Variants in SPTY2D1 observed in about 807,000 individuals in gnomAD.
SPTY2D1 encodes SPT2 chromatin protein domain containing 1, also known as protein SPT2 homolog.
A neutral mutation model predicts 64.0 loss-of-function variants in SPTY2D1; 21 were observed. The observed-to-expected ratio is 0.33, with a 90% CI of 0.23 to 0.47. The LOEUF (loss-of-function observed/expected upper bound fraction) is 0.47. SPTY2D1 is among the 20% of genes least tolerant of loss of function. The pLI, the probability that SPTY2D1 is intolerant of heterozygous loss-of-function variation, is 1.00. For missense variants in SPTY2D1, 724 were observed against 837.2 expected, an observed-to-expected ratio of 0.86 and a Z score of 1.67; for synonymous variants, 287 against 286.8, an observed-to-expected ratio of 1.00 and a Z score of -0.01.
intron 1 of SPTY2D1, among the ~76,000 whole-genome samples, chr11:18,633,717 C>T (rs900763087): frequency 6.6e-6 from 1 of 152,124 alleles, no homozygotes. Context: ...GGGGCCGAGT[C>T]AGAGAATTCT....
At position 18,609,849 on chromosome 11, in the gene SPTY2D1, T is replaced by C. The variant is rs1854167743; in HGVS notation, c.*12A>G. ...GAGCAGCTCTAGAATTTCACAAAAA[T>C]AAAAGCAGCAGCTAACGCCTCTTCA... is the stretch of plus-strand genomic sequence containing the variant. On this transcript the variant is annotated 3_prime_UTR_variant, in exon 6 of 6. Coordinates refer to ENST00000336349, the MANE Select transcript of SPTY2D1 (RefSeq NM_194285.3). 6.2e-7 allele frequency: 1 copy of C among 1,613,142 alleles called. No homozygotes were observed. The highest frequency in any genetic ancestry group is 8.5e-7 in the Non-Finnish European group (1 of 1,179,600).
At chr11:18,619,318 T>C (rs1240236224) in intron 1 of SPTY2D1, among the ~76,000 whole-genome samples, 3 of 152,030 alleles carry the variant, frequency 2.0e-5, no homozygotes, top group African/African-American at 4.8e-5. Flanking sequence ...TTTTTTTCAC[T>C]AACACTTAAG....
intron 1 of SPTY2D1, among the ~76,000 whole-genome samples, chr11:18,628,152 C>T (rs566453449): frequency 2.9e-4 from 44 of 152,172 alleles, no homozygotes; most frequent in Non-Finnish European, 6.0e-4. Context: ...TGCCTACTAC[C>T]GAATTGCTGC....
chr11:18,634,203 C>T lies in SPTY2D1; in HGVS notation c.55G>A (p.Val19Met). The T allele has an allele frequency of 4.3e-6, 7 of 1,614,210 alleles. No individual in the cohort carries two copies. Among genetic ancestry groups the T allele is most frequent in the Non-Finnish European group, 5.9e-6 (7 of 1,180,030 alleles). Residue 19 changes from valine (V) to methionine (M), a missense_variant, in exon 1 of 6, where the codon GTG (valine) becomes ATG (methionine). Physicochemically the swap from Val to Met is conservative, Grantham distance 21. Around this residue, in one of 3 missense-constraint regions of SPTY2D1, gnomAD observed 179 missense variants for 232.5 expected, o/e 0.77. Coordinates refer to ENST00000336349, the MANE Select transcript of SPTY2D1 (RefSeq NM_194285.3). ...IASKGQGVNN[V>M]PKRYSLAVGP... ...ATGCCCCAGCTGCTACTTACCGGCA[C>T]ATTGTTGACACCTTGTCCCTTGGAA...
chr11:18,625,415 T>A (rs1339562073), intron 1 of SPTY2D1, among the ~76,000 whole-genome samples: 1 of 152,078 alleles, frequency 6.6e-6, no homozygotes, highest in Non-Finnish European at 1.5e-5. Flanking sequence ...TCTCATGGAG[T>A]CTCCAGTCCA....
intron 1 of SPTY2D1, among the ~76,000 whole-genome samples, chr11:18,623,805 T>C (rs1204163146): frequency 6.6e-6 from 1 of 152,264 alleles, no homozygotes; most frequent in Non-Finnish European, 1.5e-5. Flanking sequence ...CACTGACAGA[T>C]ACAGTGGCCT....
intron 1 of SPTY2D1, among the ~76,000 whole-genome samples, chr11:18,633,216 G>GA (rs1854616875): frequency 1.3e-5 from 2 of 152,018 alleles, no homozygotes; most frequent in South Asian, 4.1e-4. Context: ...CTGCAGAAGA[G>GA]AAAAAAACGA....
intron 1 of SPTY2D1, among the ~76,000 whole-genome samples, chr11:18,617,991 C>A (rs1384855974): frequency 6.6e-6 from 1 of 152,158 alleles, no homozygotes; most frequent in Non-Finnish European, 1.5e-5. Context: ...GTATAAAATT[C>A]TGAGTTTAAA....
chr11:18,629,712 A>G (rs1473548428), intron 1 of SPTY2D1, among the ~76,000 whole-genome samples: 3 of 152,180 alleles, frequency 2.0e-5, no homozygotes, highest in African/African-American at 7.2e-5. Context: ...CAGTTATTAT[A>G]TATTCAGTTT....
intron 1 of SPTY2D1, among the ~76,000 whole-genome samples, chr11:18,623,136 G>A (rs1258821833): frequency 6.6e-6 from 1 of 151,740 alleles, no homozygotes; most frequent in Non-Finnish European, 1.5e-5. Flanking sequence ...ATATTTCTAG[G>A]CTATGTTCAT....
In SPTY2D1 at chr11:18,615,499, G is replaced by A. The variant is rs1221766047; in HGVS notation, c.775C>T (p.Pro259Ser). ...GGTCTTGATTTCTTCTCAGCATGAG[G>A]AAGGGGCATTCCTTTGGAAGAAGGA... ...RHPSSKGMPL[P>S]HAEKKSRPSM... The change falls in exon 3 of 6, where the codon CCT becomes TCT. Residue 259 changes from proline (P) to serine (S), a missense_variant. Pro to Ser is a moderately conservative substitution (Grantham distance 74). This residue lies in a region of SPTY2D1 where 426 missense variants were observed against 431.8 expected (regional missense o/e 0.99). Coordinates refer to ENST00000336349, the MANE Select transcript of SPTY2D1 (RefSeq NM_194285.3). 1 of 1,614,234 alleles carries A rather than the reference G, an allele frequency of 6.2e-7. No individual in the cohort carries two copies. Among genetic ancestry groups the A allele is most frequent in the Non-Finnish European group, 8.5e-7 (1 of 1,180,054 alleles).
At chr11:18,621,697 G>T (rs560211865) in intron 1 of SPTY2D1, among the ~76,000 whole-genome samples, 1 of 152,224 alleles carries the variant, frequency 6.6e-6, no homozygotes, top group South Asian at 2.1e-4. Context: ...TAAAAAGCTA[G>T]CAGTAAGGCA....
chr11:18,633,206 C>T (rs1003297457), intron 1 of SPTY2D1, among the ~76,000 whole-genome samples: 1 of 151,980 alleles, frequency 6.6e-6, no homozygotes, highest in Non-Finnish European at 1.5e-5. Flanking sequence ...CAAAAAAAAG[C>T]TGCAGAAGAG....
Position 18,615,583 on chromosome 11 carries a change from C to T in SPTY2D1, c.691G>A (p.Ala231Thr), listed in dbSNP as rs749816728. 2 of 1,614,076 alleles carry T rather than the reference C, an allele frequency of 1.2e-6. No individual in the cohort carries two copies. Among genetic ancestry groups the T allele is most frequent in the Non-Finnish European group, 8.5e-7 (1 of 1,180,044 alleles). The change falls in exon 3 of 6, where the codon GCA (alanine) becomes ACA (threonine). Residue 231 changes from alanine to threonine, a missense_variant. Ala to Thr is a moderately conservative substitution (Grantham distance 58, BLOSUM62 0). Coordinates refer to ENST00000336349, the MANE Select transcript of SPTY2D1 (RefSeq NM_194285.3). ...GKLPPTVSKK[A>T]PSQKESVGTK... ...CCCACACTTTCTTTCTGAGAGGGTG[C>T]CTTTTTGGACACAGTTGGAGGTAGT...
chr11:18,621,048 A>C (rs1464218270), intron 1 of SPTY2D1, among the ~76,000 whole-genome samples: 1 of 151,960 alleles, frequency 6.6e-6, no homozygotes, highest in Non-Finnish European at 1.5e-5. Flanking sequence ...TCATGCCTGT[A>C]ATGCCAGCAC....
Position 18,612,570 on chromosome 11 carries a change from CATT to C in SPTY2D1, c.1712-85_1712-83del. The C allele has an allele frequency of 1.6e-6, 2 of 1,257,968 alleles. No homozygotes were observed. Among genetic ancestry groups the C allele is most frequent in the South Asian group, 1.8e-5 (1 of 57,100 alleles). 77.9% of individuals were successfully genotyped at this position (1,257,968 alleles called of 1,614,324 possible). A position where few individuals can be genotyped will look rare whatever the true frequency, so the allele number is the denominator to read the frequency against. On this transcript the variant is annotated intron_variant, in intron 3 of 5. Coordinates refer to ENST00000336349, the MANE Select transcript of SPTY2D1 (RefSeq NM_194285.3). The surrounding 1 kb of genome is among the most constrained non-coding windows in gnomAD (Gnocchi z 4.6). ...TATGTAAACTGAAATTGTGAGTCAT[CATT>C]AAGATGGTATCCTTTAAAACCAGAG...
At position 18,615,141 on chromosome 11, in the gene SPTY2D1, G is replaced by A. The variant is rs1271607110; in HGVS notation, c.1133C>T (p.Ala378Val). The A allele has an allele frequency of 6.2e-7, 1 of 1,614,086 alleles. No individual in the cohort carries two copies. The highest frequency in any genetic ancestry group is 1.3e-5 in the African/African-American group (1 of 74,944). ...VRQPGSSSSSAPGQPSTGVAR... is the reference protein window; with the variant it reads ...VRQPGSSSSSVPGQPSTGVAR... Reference sequence around the variant, plus strand: ...AACCCCTGTGCTGGGCTGCCCAGGGGCTGAGCTAGAGCTGCTGCCTGGCTG... The same window carrying A: ...AACCCCTGTGCTGGGCTGCCCAGGGACTGAGCTAGAGCTGCTGCCTGGCTG... The change falls in exon 3 of 6, where the codon GCC becomes GTC. Residue 378 changes from alanine (A) to valine (V), a missense_variant. By Grantham distance (64) the Ala-to-Val change is moderately conservative (BLOSUM62 0). This residue lies in a region of SPTY2D1 where 426 missense variants were observed against 431.8 expected (regional missense o/e 0.99). Coordinates refer to ENST00000336349, the MANE Select transcript of SPTY2D1 (RefSeq NM_194285.3).
At chr11:18,616,195 C>T (rs1204973940) in intron 2 of SPTY2D1, 97 bp from the exon 3 acceptor site, 2 of 1,115,668 alleles carry the variant, frequency 1.8e-6, no homozygotes, top group Non-Finnish European at 2.5e-6. Context: ...AGTTTGAAGA[C>T]ATCTAGGAAT....
At position 18,615,147 on chromosome 11, in the gene SPTY2D1, C is replaced by G; in HGVS notation, c.1127G>C (p.Ser376Thr). The stretch of plus-strand genomic sequence containing the variant: ...TGTGCTGGGCTGCCCAGGGGCTGAG[C>G]TAGAGCTGCTGCCTGGCTGCCTGAC... ...PGVRQPGSSS[S>T]SAPGQPSTGV... The change falls in exon 3 of 6, where the codon AGC becomes ACC. Residue 376 changes from serine (S) to threonine (T), a missense_variant. By Grantham distance (58) the Ser-to-Thr change is moderately conservative. Transcript: ENST00000336349. 1 of 1,614,226 alleles carries G rather than the reference C, an allele frequency of 6.2e-7. No homozygotes were observed. Among genetic ancestry groups the G allele is most frequent in the Non-Finnish European group, 8.5e-7 (1 of 1,180,040 alleles).
Sources: gnomAD v4.1 joint callset for allele counts (sites outside exome capture counted in the v4.1 genomes callset) on GRCh38, gnomAD v4.1.1 for gene constraint, gnomAD v4.1.1 regional missense constraint, Gnocchi (gnomAD v3.1) non-coding constraint, MANE v1.5 for transcripts, NCBI Gene and HGNC (gene_info 2026-07-23, HGNC 2026-07-21) for gene names.